TENM4: variants seen among roughly 807,000 people sequenced by gnomAD.
TENM4 encodes the protein teneurin transmembrane protein 4, also known as teneurin-4.
In TENM4, 82 loss-of-function variants were observed where a neutral mutation model predicts 243.3. The observed-to-expected ratio is 0.34, with a 90% CI of 0.28 to 0.40. TENM4 has a LOEUF of 0.40. Ranked by LOEUF, TENM4 falls within the 10% of genes least tolerant of loss-of-function variation. The probability of loss-of-function intolerance (pLI) is 1.00; values close to 1 mark genes in which losing one functional copy is unlikely to be tolerated. For missense variants in TENM4, 3,138 were observed against 3,673.3 expected, an observed-to-expected ratio of 0.85 and a Z score of 3.77; for synonymous variants, 1,412 against 1,456.3, an observed-to-expected ratio of 0.97 and a Z score of 0.69.
rs552795927 is a variant in TENM4, at chr11:78,655,962, G to C, written c.*2096C>G. ...GACTCAGTAGAGCTCTGGATCCAGG[G>C]GCAATGGGCAACCAGTGGACAAGCA... On this transcript the variant is annotated 3_prime_UTR_variant, in exon 34 of 34. Coordinates refer to ENST00000278550, the MANE Select transcript of TENM4 (RefSeq NM_001098816.3). The C allele has an allele frequency of 6.6e-6, 1 of 152,312 alleles. No homozygotes were observed. Among genetic ancestry groups the C allele is most frequent in the East Asian group, 1.9e-4 (1 of 5,186 alleles). The allele number at this position is 152,312 out of a possible 1,614,324, so 9.4% of individuals were successfully genotyped here.
chr11:78,930,541 T>C (rs1229925881), intron 6 of TENM4, among the ~76,000 whole-genome samples: 1 of 152,220 alleles, frequency 6.6e-6, no homozygotes, highest in African/African-American at 2.4e-5. Context: ...TGACTTATCC[T>C]ATCTGAGCCT....
At chr11:79,309,041 G>C (rs1038625429) in intron 1 of TENM4, among the ~76,000 whole-genome samples, 1 of 152,042 alleles carries the variant, frequency 6.6e-6, no homozygotes, top group East Asian at 1.9e-4. Context: ...AAGATAATAA[G>C]GAGGGGTGGG....
chr11:79,000,291 T>C (rs1159053512), intron 6 of TENM4, among the ~76,000 whole-genome samples: 1 of 152,152 alleles, frequency 6.6e-6, no homozygotes, highest in Non-Finnish European at 1.5e-5. Flanking sequence ...TATACTCAAA[T>C]CCACAGAAAG....
chr11:78,856,316 C>A, intron 10 of TENM4, 138 bp from the exon 11 acceptor site: 1 of 741,572 alleles, frequency 1.3e-6, no homozygotes, highest in South Asian at 1.9e-5. Flanking sequence ...AGCTTCCTCC[C>A]CACCCTGGCC....
chr11:78,879,238 T>C (rs1394001986), intron 9 of TENM4, among the ~76,000 whole-genome samples: 2 of 138,976 alleles, frequency 1.4e-5, no homozygotes, highest in African/African-American at 5.5e-5. Context: ...GGTCGCCCCG[T>C]CTGGGAGGTG....
intron 18 of TENM4, among the ~76,000 whole-genome samples, chr11:78,761,920 C>T (rs138574120): frequency 7.2e-5 from 11 of 152,284 alleles, no homozygotes; most frequent in African/African-American, 2.2e-4. Context: ...TGATCCTGCA[C>T]GTCTCCCAGG....
intron 6 of TENM4, among the ~76,000 whole-genome samples, chr11:78,904,755 G>A (rs557005478): frequency 2.0e-5 from 3 of 152,274 alleles, no homozygotes; most frequent in South Asian, 2.1e-4. Context: ...GATGAAAAAC[G>A]TAGACTTGGA....
At chr11:78,710,333 G>A (rs1010271600) in intron 26 of TENM4, among the ~76,000 whole-genome samples, 8 of 152,130 alleles carry the variant, frequency 5.3e-5, no homozygotes, top group African/African-American at 9.7e-5. Flanking sequence ...CCTTTGCTCC[G>A]GGGACCCACG....
intron 3 of TENM4, among the ~76,000 whole-genome samples, chr11:79,156,096 G>T (rs1379282254): frequency 6.6e-6 from 1 of 152,184 alleles, no homozygotes; most frequent in Non-Finnish European, 1.5e-5. Context: ...TCTCCCAGCA[G>T]AAGTGAAGGC....
At chr11:78,927,469 A>C (rs1856576767) in intron 6 of TENM4, among the ~76,000 whole-genome samples, 1 of 152,238 alleles carries the variant, frequency 6.6e-6, no homozygotes, top group Admixed American at 6.5e-5. Context: ...AATGAGAAAA[A>C]GTTTATACAG....
rs562558033 is a variant in TENM4 at position 79,163,932 on chromosome 11, C to A, written c.-162-15126G>T. On this transcript the variant is annotated intron_variant, in intron 3 of 33. Coordinates refer to ENST00000278550, the MANE Select transcript of TENM4 (RefSeq NM_001098816.3). ...TATATAGGTATATATCCATATATAT[C>A]ATATATATCTATATAGTACTATATA... Among the ~76,000 whole-genome samples, 4 of 137,546 alleles carry A rather than the reference C, an allele frequency of 2.9e-5. No homozygotes were observed. The South Asian group carries it at 8.9e-4, about 31-fold the overall frequency. The allele number at this position is 137,546 out of a possible 152,430, so 90.2% of individuals were successfully genotyped here.
At chr11:78,906,147 T>C (rs190765338) in intron 6 of TENM4, among the ~76,000 whole-genome samples, 4 of 152,382 alleles carry the variant, frequency 2.6e-5, no homozygotes, top group Non-Finnish European at 5.9e-5. Flanking sequence ...ATTGATATAG[T>C]TTCTGCTATG....
intron 17 of TENM4, among the ~76,000 whole-genome samples, chr11:78,774,023 C>G (rs1304339904): frequency 1.3e-5 from 2 of 152,206 alleles, no homozygotes; most frequent in South Asian, 4.1e-4. Context: ...CAGTTCAAAT[C>G]CTAGCACCAT....
At chr11:78,916,680 T>C (rs901878423) in intron 6 of TENM4, among the ~76,000 whole-genome samples, 1 of 152,226 alleles carries the variant, frequency 6.6e-6, no homozygotes, top group African/African-American at 2.4e-5. Flanking sequence ...AGGAACAGTA[T>C]AGAGTAGGAC....
chr11:79,348,068 C>T (rs1054917866), intron 1 of TENM4, among the ~76,000 whole-genome samples: 3 of 152,274 alleles, frequency 2.0e-5, no homozygotes, highest in African/African-American at 4.8e-5. Context: ...CGTGAGCCAC[C>T]GCGCCCGGCC....
chr11:79,352,432 T>C (rs1857429519), intron 1 of TENM4, among the ~76,000 whole-genome samples: 1 of 152,186 alleles, frequency 6.6e-6, no homozygotes, highest in South Asian at 2.1e-4. Flanking sequence ...GCCCCAATCA[T>C]GCCCAGCCCC....
intron 2 of TENM4, among the ~76,000 whole-genome samples, chr11:79,286,256 C>T (rs924089044): frequency 6.6e-6 from 1 of 152,116 alleles, no homozygotes; most frequent in Non-Finnish European, 1.5e-5. Flanking sequence ...TATGAGCACT[C>T]GCTCTGGAGT....
chr11:79,225,949 C>G (rs530211748), intron 2 of TENM4, among the ~76,000 whole-genome samples: 1 of 152,230 alleles, frequency 6.6e-6, no homozygotes, highest in African/African-American at 2.4e-5. Flanking sequence ...TGGACTAGAC[C>G]GGTAGCTGAT....
intron 2 of TENM4, among the ~76,000 whole-genome samples, chr11:79,272,633 T>G (rs1293580954): frequency 6.6e-6 from 1 of 152,032 alleles, no homozygotes. Flanking sequence ...TTTCAGTTTC[T>G]CCAACCAAGC....
Sources: allele counts gnomAD v4.1 joint callset (sites outside exome capture counted in the v4.1 genomes callset), GRCh38; gene constraint gnomAD v4.1.1; transcripts MANE v1.5; gene names NCBI Gene and HGNC (gene_info 2026-07-23, HGNC 2026-07-21).